The following ASCC1 variants were observed in gnomAD, a reference collection of about 807,000 sequenced individuals.
ASCC1 encodes ASC-1 complex subunit P50.
Under a neutral mutation model 46.6 loss-of-function variants are expected in ASCC1, and 35 were observed. The observed-to-expected ratio is 0.75, with a 90% CI of 0.57 to 0.99. ASCC1 has a LOEUF of 0.99. Among genes scored for constraint, ASCC1 ranks in the 50% least tolerant of loss-of-function variants. ASCC1 has a pLI of 0.00. For missense variants in ASCC1, 376 were observed against 428.7 expected, an observed-to-expected ratio of 0.88 and a Z score of 1.09; for synonymous variants, 143 against 146.6, an observed-to-expected ratio of 0.98 and a Z score of 0.18.
intron 2 of ASCC1, among the ~76,000 whole-genome samples, chr10:72,211,735 A>G (rs1858156423): frequency 6.6e-6 from 1 of 151,930 alleles, no homozygotes; most frequent in African/African-American, 2.4e-5. Context: ...AGGCTGGAGA[A>G]TGGCGTGAAT....
chr10:72,131,630 G>T (rs1323792387), intron 8 of ASCC1, among the ~76,000 whole-genome samples: 6 of 151,948 alleles, frequency 3.9e-5, no homozygotes, highest in Non-Finnish European at 8.8e-5. Flanking sequence ...ATTCAATATG[G>T]CATCACAAAA....
rs1471633676 is a variant in ASCC1, at chr10:72,096,888, G to T, written c.*446C>A. 4.4e-6 allele frequency: 2 copies of T among 454,112 alleles called. No individual in the cohort carries two copies. The highest frequency in any genetic ancestry group is 4.4e-6 in the Non-Finnish European group (1 of 226,798). 28.1% of individuals were successfully genotyped at this position (454,112 alleles called of 1,614,324 possible). On this transcript the variant is annotated 3_prime_UTR_variant, in exon 10 of 10. Coordinates refer to ENST00000672957, the MANE Select transcript of ASCC1 (RefSeq NM_001198800.3). ...AAACCAGAGAGACAGAAAGCAGAAT[G>T]GTGGCTGCGGGGGCTGGGAGGAGTG...
At chr10:72,216,423 T>C (rs1859337751), upstream of ASCC1, 1 of 208,432 alleles carries the variant, frequency 4.8e-6, no homozygotes. Context: ...CCGCTGGTGT[T>C]CTGAGCGCTC....
At chr10:72,142,709 G>A (rs754261181) in intron 7 of ASCC1, among the ~76,000 whole-genome samples, 1 of 151,976 alleles carries the variant, frequency 6.6e-6, no homozygotes, top group Admixed American at 6.6e-5. Flanking sequence ...CATTGCTACT[G>A]CTCTAGTTCA....
intron 9 of ASCC1, among the ~76,000 whole-genome samples, chr10:72,126,081 G>A (rs1449741797): frequency 6.6e-6 from 1 of 152,198 alleles, no homozygotes; most frequent in East Asian, 1.9e-4. Context: ...CCCAGATCAG[G>A]CAGATATGCC....
At chr10:72,109,900 C>T (rs1289286534) in intron 9 of ASCC1, among the ~76,000 whole-genome samples, 1 of 152,226 alleles carries the variant, frequency 6.6e-6, no homozygotes, top group East Asian at 1.9e-4. Context: ...AGGCACACTC[C>T]GCCCGTTTCC....
chr10:72,101,778 A>T (rs1841792106), intron 9 of ASCC1, among the ~76,000 whole-genome samples: 2 of 152,108 alleles, frequency 1.3e-5, no homozygotes, highest in South Asian at 4.2e-4. Flanking sequence ...AAGATAAAGA[A>T]AAAAAAGGAG....
At chr10:72,133,831 A>T (rs936969177) in intron 7 of ASCC1, 8 of 160,112 alleles carry the variant, frequency 5.0e-5, no homozygotes, top group Non-Finnish European at 8.2e-5. Context: ...AACAGTCAAC[A>T]TCACTATGAT....
chr10:72,126,437 C>T (rs1457914426), intron 9 of ASCC1, among the ~76,000 whole-genome samples: 5 of 152,156 alleles, frequency 3.3e-5, no homozygotes, highest in African/African-American at 9.7e-5. Flanking sequence ...CAGGGAAAAG[C>T]AGTTAAATTG....
intron 6 of ASCC1, among the ~76,000 whole-genome samples, chr10:72,159,619 T>C (rs1849385696): frequency 6.6e-6 from 1 of 152,174 alleles, no homozygotes; most frequent in Non-Finnish European, 1.5e-5. Flanking sequence ...TGCCCTGCTT[T>C]GTAAAATAAA....
intron 8 of ASCC1, among the ~76,000 whole-genome samples, chr10:72,129,333 A>G (rs1365815319): frequency 6.6e-6 from 1 of 152,254 alleles, no homozygotes; most frequent in East Asian, 1.9e-4. Context: ...GAAAGGATAC[A>G]TAAAATGTGG....
chr10:72,124,646 C>T (rs889267984), intron 9 of ASCC1, among the ~76,000 whole-genome samples: 5 of 152,114 alleles, frequency 3.3e-5, no homozygotes, highest in African/African-American at 9.7e-5. Flanking sequence ...GCATTTACTT[C>T]CAGGCAGTGT....
chr10:72,139,680 G>A (rs1207318657), intron 7 of ASCC1, among the ~76,000 whole-genome samples: 1 of 152,142 alleles, frequency 6.6e-6, no homozygotes, highest in African/African-American at 2.4e-5. Flanking sequence ...AGCATTCCAG[G>A]ACCATCTTTA....
At chr10:72,181,605 G>T (rs1233945549) in intron 5 of ASCC1, among the ~76,000 whole-genome samples, 2 of 150,064 alleles carry the variant, frequency 1.3e-5, no homozygotes, top group Non-Finnish European at 3.0e-5. Flanking sequence ...TGAGACTTAA[G>T]GAATATTTAA....
intron 6 of ASCC1, among the ~76,000 whole-genome samples, chr10:72,155,818 C>A (rs537376480): frequency 2.0e-5 from 3 of 152,128 alleles, no homozygotes; most frequent in Non-Finnish European, 2.9e-5. Context: ...CAGCTCACTG[C>A]GCAGCCTTCT....
At chr10:72,198,630 T>C in intron 4 of ASCC1, 1 of 455,858 alleles carries the variant, frequency 2.2e-6, no homozygotes, top group South Asian at 1.5e-5. Flanking sequence ...GTCTAGAGGA[T>C]TAAAAGCTAC....
At chr10:72,166,640 A>G (rs1489874078) in intron 5 of ASCC1, among the ~76,000 whole-genome samples, 1 of 152,218 alleles carries the variant, frequency 6.6e-6, no homozygotes, top group East Asian at 1.9e-4. Context: ...CATCAAGAAA[A>G]TGAAAAGATA....
At chr10:72,103,368 G>A (rs557489577) in intron 9 of ASCC1, among the ~76,000 whole-genome samples, 9 of 152,116 alleles carry the variant, frequency 5.9e-5, no homozygotes, top group South Asian at 2.1e-4. Flanking sequence ...TCCTGACCTC[G>A]TGATCCACCC....
intron 1 of ASCC1, among the ~76,000 whole-genome samples, chr10:72,213,810 CAGGCAGATCACAAGGTCAGGAGTTCAAGA>C (rs1858565500): frequency 6.8e-6 from 1 of 148,116 alleles, no homozygotes; most frequent in Non-Finnish European, 1.5e-5. Context: ...GAGGCCGAGG[CAGGCAGATCACAAGGTCAGGAGTTCAAGA>C]CCAGCCTGAC....
Sources: gnomAD v4.1 joint callset for allele counts (sites outside exome capture counted in the v4.1 genomes callset) on GRCh38, gnomAD v4.1.1 for gene constraint, MANE v1.5 for transcripts, NCBI Gene and HGNC (gene_info 2026-07-23, HGNC 2026-07-21) for gene names.